The following SSH2 variants were observed in gnomAD, a reference collection of about 807,000 sequenced individuals.
SSH2 encodes protein phosphatase Slingshot homolog 2.
A neutral mutation model predicts 135.2 loss-of-function variants in SSH2; 37 were observed. The ratio of observed to expected loss-of-function variants is 0.27; its 90% CI spans 0.21 to 0.36. The LOEUF is 0.36. Ranked by LOEUF, SSH2 falls within the 10% of genes least tolerant of loss-of-function variation. The pLI is 1.00. For missense variants in SSH2, 1,408 were observed against 1,765.3 expected (o/e 0.80, Z 3.63); for synonymous variants, 628 against 646.2 (o/e 0.97, Z 0.43).
chr17:29,834,506 T>A (rs1191448548), intron 2 of SSH2, among the ~76,000 whole-genome samples: 1 of 152,090 alleles, frequency 6.6e-6, no homozygotes, highest in African/African-American at 2.4e-5. Flanking sequence ...AGAAAATAGC[T>A]CTTTGTCATG....
intron 3 of SSH2, among the ~76,000 whole-genome samples, chr17:29,707,424 C>T (rs144473714): frequency 6.6e-6 from 1 of 152,032 alleles, no homozygotes; most frequent in African/African-American, 2.4e-5. Context: ...GTATAAATAT[C>T]ACAAATTCAC....
At chr17:29,791,752 G>T (rs1314371549) in intron 3 of SSH2, among the ~76,000 whole-genome samples, 2 of 152,040 alleles carry the variant, frequency 1.3e-5, no homozygotes, top group African/African-American at 4.8e-5. Context: ...TAACAGATTA[G>T]CAAATTTTGA....
intron 1 of SSH2, among the ~76,000 whole-genome samples, chr17:29,866,871 T>G (rs1480738234): frequency 6.6e-6 from 1 of 152,188 alleles, no homozygotes; most frequent in Non-Finnish European, 1.5e-5. Context: ...CTCGCTCTGT[T>G]GCCCAGGCTG....
At chr17:29,921,429 T>G (rs2066974467) in intron 1 of SSH2, among the ~76,000 whole-genome samples, 1 of 152,206 alleles carries the variant, frequency 6.6e-6, no homozygotes, top group Non-Finnish European at 1.5e-5. Context: ...GCTGGATAAT[T>G]TGGCAACATG....
chr17:29,773,019 GTCCATCCATCCA>G (rs35452901), intron 3 of SSH2, among the ~76,000 whole-genome samples: 85 of 146,992 alleles, frequency 5.8e-4, no homozygotes, highest in South Asian at 2.6e-3. Flanking sequence ...TTCCCCATCT[GTCCATCCATCCA>G]TCCATCCATC....
chr17:29,751,028 T>G (rs1031726605), intron 3 of SSH2, among the ~76,000 whole-genome samples: 2 of 152,190 alleles, frequency 1.3e-5, no homozygotes, highest in Non-Finnish European at 2.9e-5. Flanking sequence ...TATATGGAGC[T>G]GTCATCTCCT....
At chr17:29,824,870 A>G (rs2042717091) in intron 2 of SSH2, among the ~76,000 whole-genome samples, 1 of 152,226 alleles carries the variant, frequency 6.6e-6, no homozygotes, top group African/African-American at 2.4e-5. Context: ...TGTATTCTCC[A>G]GCTAGAACTA....
intron 3 of SSH2, among the ~76,000 whole-genome samples, chr17:29,705,699 C>A (rs563715320): frequency 6.6e-6 from 1 of 152,178 alleles, no homozygotes; most frequent in Non-Finnish European, 1.5e-5. Flanking sequence ...ATCATCTCCC[C>A]TTTTGTTTAC....
At chr17:29,914,573 A>AAC (rs2066848325) in intron 1 of SSH2, among the ~76,000 whole-genome samples, 1 of 150,962 alleles carries the variant, frequency 6.6e-6, no homozygotes, top group African/African-American at 2.4e-5. Context: ...AAAAAAAAAA[A>AAC]ACAAACAAAA....
At chr17:29,650,877 T>A in intron 12 of SSH2, 77 bp from the exon 13 acceptor site, 1 of 1,223,372 alleles carries the variant, frequency 8.2e-7, no homozygotes, top group Non-Finnish European at 1.1e-6. Context: ...TTTTCTTACT[T>A]AAAACTTGTT....
At chr17:29,755,700 C>T (rs1261782815) in intron 3 of SSH2, among the ~76,000 whole-genome samples, 1 of 148,306 alleles carries the variant, frequency 6.7e-6, no homozygotes, top group Non-Finnish European at 1.5e-5. Flanking sequence ...CTCGCTCTTT[C>T]GCCCAGGCTG....
At chr17:29,720,386 T>C (rs2039780229) in intron 3 of SSH2, among the ~76,000 whole-genome samples, 1 of 152,224 alleles carries the variant, frequency 6.6e-6, no homozygotes, top group Non-Finnish European at 1.5e-5. Flanking sequence ...ATCTCTTCTA[T>C]AGTTGTTTTC....
intron 5 of SSH2, among the ~76,000 whole-genome samples, chr17:29,687,621 T>G (rs1417551890): frequency 6.6e-6 from 1 of 152,220 alleles, no homozygotes; most frequent in Non-Finnish European, 1.5e-5. Flanking sequence ...GTAGAAACAC[T>G]CTACAACATG....
At chr17:29,773,424 T>C (rs2041630388) in intron 3 of SSH2, among the ~76,000 whole-genome samples, 1 of 152,194 alleles carries the variant, frequency 6.6e-6, no homozygotes, top group Non-Finnish European at 1.5e-5. Flanking sequence ...GGAAATCTTT[T>C]GTTTTTCAGA....
intron 3 of SSH2, among the ~76,000 whole-genome samples, chr17:29,745,292 G>A (rs1009392918): frequency 2.0e-4 from 31 of 151,738 alleles, no homozygotes; most frequent in Non-Finnish European, 3.8e-4. Flanking sequence ...CCCGAGTAGC[G>A]GGGATTACAG....
intron 1 of SSH2, among the ~76,000 whole-genome samples, chr17:29,926,593 A>G (rs1264613354): frequency 6.6e-6 from 1 of 151,344 alleles, no homozygotes; most frequent in Non-Finnish European, 1.5e-5. Context: ...CACTGTGATC[A>G]TTTCTACTCA....
intron 1 of SSH2, among the ~76,000 whole-genome samples, chr17:29,913,347 A>AAAATTATATATATATAT: frequency 1.0e-4 from 3 of 28,786 alleles, no homozygotes; most frequent in Admixed American, 7.3e-4. Context: ...AAAAAAAAAA[A>AAAATTATATATATATAT]ATATATATAT....
At chr17:29,654,974 C>T (rs1220973870) in intron 12 of SSH2, among the ~76,000 whole-genome samples, 7 of 152,152 alleles carry the variant, frequency 4.6e-5, no homozygotes, top group South Asian at 4.1e-4. Context: ...TCTATGTATT[C>T]TTGCATAAAA....
chr17:29,746,953 G>A (rs1028100908), intron 3 of SSH2, among the ~76,000 whole-genome samples: 1 of 152,126 alleles, frequency 6.6e-6, no homozygotes, highest in Non-Finnish European at 1.5e-5. Context: ...AAACTTTTCC[G>A]CAGTCACTAC....
Sources: gnomAD v4.1 joint callset for allele counts (sites outside exome capture counted in the v4.1 genomes callset) on GRCh38, gnomAD v4.1.1 for gene constraint, MANE v1.5 for transcripts, NCBI Gene and HGNC (gene_info 2026-07-23, HGNC 2026-07-21) for gene names.